The following TTC7A variants were observed in gnomAD, a reference collection of about 807,000 sequenced individuals.
The protein encoded by TTC7A is tetratricopeptide repeat domain 7A.
TTC7A carries 110 observed loss-of-function variants against 103.7 expected under a neutral mutation model. The observed-to-expected ratio is 1.06, with a 90% confidence interval of 0.91 to 1.24. The LOEUF (loss-of-function observed/expected upper bound fraction) is 1.24. TTC7A is among the 50% of genes most tolerant of loss of function. The pLI, the probability that TTC7A is intolerant of heterozygous loss-of-function variation, is 0.00. For missense variants in TTC7A, 1,340 were observed against 1,116.3 expected, an observed-to-expected ratio of 1.20 and a Z score of -2.86; for synonymous variants, 521 against 467.9, an observed-to-expected ratio of 1.11 and a Z score of -1.47.
At chr2:47,014,052 A>G (rs149725862) in intron 11 of TTC7A, among the ~76,000 whole-genome samples, 88 of 152,266 alleles carry the variant, frequency 5.8e-4, no homozygotes, top group African/African-American at 2.1e-3. Context: ...TGCAGGAATT[A>G]TCTGTCTCTT....
chr2:47,016,220 A>G (rs1236166575), intron 11 of TTC7A, among the ~76,000 whole-genome samples: 1 of 152,226 alleles, frequency 6.6e-6, no homozygotes, highest in East Asian at 1.9e-4. Flanking sequence ...CTTATGTAAC[A>G]CAAAAACAAA....
chr2:47,069,559 C>T (rs1051759666), intron 19 of TTC7A, among the ~76,000 whole-genome samples: 1 of 152,144 alleles, frequency 6.6e-6, no homozygotes, highest in African/African-American at 2.4e-5. Context: ...GCTCCCCTCC[C>T]CACATCAGGG....
intron 19 of TTC7A, among the ~76,000 whole-genome samples, chr2:47,070,684 T>G (rs60408932): frequency 1.3e-5 from 2 of 151,838 alleles, no homozygotes; most frequent in African/African-American, 4.8e-5. Context: ...TGGCCACACA[T>G]CCCCACTCCC....
Position 47,051,772 on chromosome 2 carries a change from G to A in TTC7A, c.2044G>A (p.Ala682Thr), listed in dbSNP as rs559596886. 50 of 1,610,824 alleles carry A rather than the reference G, an allele frequency of 3.1e-5. No homozygotes were observed. The Middle Eastern group carries it at 8.7e-4, about 28-fold the overall frequency. Residue 682 changes from alanine (A) to threonine (T), a missense_variant, in exon 18 of 20, where the codon GCC becomes ACC. By Grantham distance (58) the Ala-to-Thr change is moderately conservative (BLOSUM62 0). Coordinates refer to ENST00000319190, the MANE Select transcript of TTC7A (RefSeq NM_020458.4). ...SGSRRASSIA[A>T]SRLEEAMSEL... ...CTCCCGGCGGGCTTCGTCCATCGCC[G>A]CCTCCCGGCTGGAGGAGGCCATGTC... is the stretch of plus-strand genomic sequence containing the variant.
chr2:47,023,342 G>C, intron 12 of TTC7A, 66 bp from the exon 13 acceptor site: 2 of 1,554,520 alleles, frequency 1.3e-6, no homozygotes, highest in Non-Finnish European at 1.8e-6. Context: ...TTTGAGGATG[G>C]TGCAGGGCTG....
intron 5 of TTC7A, among the ~76,000 whole-genome samples, chr2:46,992,606 C>G (rs1270658389): frequency 2.0e-5 from 3 of 152,208 alleles, no homozygotes; most frequent in Non-Finnish European, 4.4e-5. Flanking sequence ...TCTGTGAGCC[C>G]TGGGGCCACT....
chr2:47,062,962 C>A (rs2104788963), intron 19 of TTC7A, among the ~76,000 whole-genome samples: 1 of 152,370 alleles, frequency 6.6e-6, no homozygotes, highest in African/African-American at 2.4e-5. Context: ...GGCAGCCCAT[C>A]CCGTCTACAG....
At chr2:47,013,228 C>G (rs944633110) in intron 11 of TTC7A, among the ~76,000 whole-genome samples, 1 of 152,188 alleles carries the variant, frequency 6.6e-6, no homozygotes, top group African/African-American at 2.4e-5. Flanking sequence ...GCCCTTGCAT[C>G]ACAGCTTGCT....
At chr2:47,027,212 G>C (rs1440162990) in intron 14 of TTC7A, among the ~76,000 whole-genome samples, 1 of 152,210 alleles carries the variant, frequency 6.6e-6, no homozygotes, top group African/African-American at 2.4e-5. Context: ...TGCATCCTGG[G>C]GAATCAGGCC....
Position 46,978,594 on chromosome 2 carries a change from A to G in TTC7A, c.649-198A>G, listed in dbSNP as rs551036863. ...AAAAAAAGACAGAGGGCTTGTGGGCATCTAACGGTTGGATGGGGAGAGAAT... is the reference window on the plus strand; with the variant it reads ...AAAAAAAGACAGAGGGCTTGTGGGCGTCTAACGGTTGGATGGGGAGAGAAT... On this transcript the variant is annotated intron_variant, in intron 4 of 19. Coordinates refer to ENST00000319190, the MANE Select transcript of TTC7A (RefSeq NM_020458.4). 4 of 371,516 alleles carry G rather than the reference A, an allele frequency of 1.1e-5. No homozygotes were observed. In the Admixed American group the frequency reaches 1.8e-4, roughly 17 times the overall value. 23.0% of individuals were successfully genotyped at this position (371,516 alleles called of 1,614,324 possible).
Position 47,050,005 on chromosome 2 carries a change from G to T in TTC7A, c.1976G>T (p.Gly659Val), listed in dbSNP as rs1177687312. Residue 659 changes from glycine (G) to valine (V), a missense_variant, in exon 17 of 20, where the codon GGC becomes GTC. Physicochemically the swap from Gly to Val is moderately radical, Grantham distance 109 (BLOSUM62 -3). Transcript: ENST00000319190. Reference sequence around the variant, plus strand: ...GGCCTCACCATGAAGAAGCAGAGTGGCATGCACCTGACTTTGCCTGATGCC... The same window carrying T: ...GGCCTCACCATGAAGAAGCAGAGTGTCATGCACCTGACTTTGCCTGATGCC... ...GEGLTMKKQS[G>V]MHLTLPDAHD... The T allele has an allele frequency of 6.2e-7, 1 of 1,614,162 alleles. No homozygotes were observed. The highest frequency in any genetic ancestry group is 8.5e-7 in the Non-Finnish European group (1 of 1,180,032).
At chr2:47,011,282 G>T in intron 10 of TTC7A, 49 bp from the exon 11 acceptor site, 2 of 1,557,792 alleles carry the variant, frequency 1.3e-6, no homozygotes, top group South Asian at 2.3e-5. Flanking sequence ...GTGGGCCCTT[G>T]AGATCCAGGA....
intron 3 of TTC7A, among the ~76,000 whole-genome samples, chr2:46,961,609 T>TAAATAAAAA (rs1672384539): frequency 1.5e-4 from 4 of 26,076 alleles, no homozygotes; most frequent in African/African-American, 5.5e-4. Context: ...ATAAATAAAA[T>TAAATAAAAA]AAAAAATAAT....
At chr2:47,032,585 C>T (rs1680670502) in intron 15 of TTC7A, among the ~76,000 whole-genome samples, 1 of 152,044 alleles carries the variant, frequency 6.6e-6, no homozygotes, top group South Asian at 2.1e-4. Flanking sequence ...CTGTCACTCA[C>T]CGTAGAGTGT....
intron 4 of TTC7A, among the ~76,000 whole-genome samples, chr2:46,977,911 T>G (rs992153830): frequency 1.3e-5 from 2 of 152,208 alleles, no homozygotes; most frequent in African/African-American, 4.8e-5. Context: ...GAGCCTCAGT[T>G]TCCTCATCTA....
upstream of TTC7A, among the ~76,000 whole-genome samples, chr2:46,936,403 G>C (rs1280822129): frequency 6.6e-6 from 1 of 152,174 alleles, no homozygotes; most frequent in Non-Finnish European, 1.5e-5. Context: ...ACTTTTCTCA[G>C]ACGTGTCTTA....
intron 3 of TTC7A, among the ~76,000 whole-genome samples, chr2:46,972,680 A>C (rs1673476639): frequency 6.6e-6 from 1 of 152,224 alleles, no homozygotes; most frequent in Non-Finnish European, 1.5e-5. Context: ...TAAATGGGAA[A>C]GTGGGTGTCC....
intron 18 of TTC7A, among the ~76,000 whole-genome samples, chr2:47,057,487 A>G (rs574531413): frequency 1.3e-5 from 2 of 152,282 alleles, no homozygotes; most frequent in Admixed American, 6.5e-5. Flanking sequence ...GTTGATGTGA[A>G]TACACTATGA....
At chr2:46,953,361 C>T (rs1035392711) in intron 2 of TTC7A, among the ~76,000 whole-genome samples, 2 of 152,186 alleles carry the variant, frequency 1.3e-5, no homozygotes, top group Non-Finnish European at 2.9e-5. Flanking sequence ...TGTCATATTG[C>T]TCAGGCTGGT....
Sources: gnomAD v4.1 joint callset for allele counts (sites outside exome capture counted in the v4.1 genomes callset) on GRCh38, gnomAD v4.1.1 for gene constraint, MANE v1.5 for transcripts, NCBI Gene and HGNC (gene_info 2026-07-23, HGNC 2026-07-21) for gene names.